Variants in RB1CC1 observed in about 807,000 individuals in gnomAD.
RB1CC1 encodes the protein RB1-inducible coiled-coil protein 1.
In RB1CC1, 46 loss-of-function variants were observed where a neutral mutation model predicts 177.5. The observed-to-expected ratio is 0.26, with a 90% confidence interval of 0.20 to 0.33. The LOEUF is 0.33. Ranked by LOEUF, RB1CC1 falls within the 10% of genes least tolerant of loss-of-function variation. The pLI is 1.00. For synonymous variants in RB1CC1, 666 were observed against 613.6 expected (o/e 1.09, Z -1.26); for missense variants, 1,703 against 1,816.3 (o/e 0.94, Z 1.13).
chr8:52,636,114 T>C (rs200716510), intron 18 of RB1CC1, 45 bp from the exon 19 acceptor site: 29 of 1,564,620 alleles, frequency 1.9e-5, no homozygotes, highest in Non-Finnish European at 2.4e-5. Context: ...TTCTAAACTT[T>C]ACATTCTTCA....
intron 16 of RB1CC1, among the ~76,000 whole-genome samples, chr8:52,643,736 T>C (rs4873670): frequency 0.72 from 106,146 of 147,404 alleles, 38,784 homozygotes; most frequent in East Asian, 0.83. Flanking sequence ...TACAAGATTT[T>C]TGAGCTTCTT....
intron 7 of RB1CC1, among the ~76,000 whole-genome samples, chr8:52,669,879 T>C (rs566451334): frequency 1.3e-5 from 2 of 152,054 alleles, no homozygotes; most frequent in South Asian, 4.1e-4. Context: ...AATTTAATAA[T>C]TCATTGAAAG....
chr8:52,709,379 G>A (rs560502871), intron 1 of RB1CC1, among the ~76,000 whole-genome samples: 54 of 152,056 alleles, frequency 3.6e-4, no homozygotes, highest in Non-Finnish European at 6.6e-4. Flanking sequence ...CAATTTTCTC[G>A]AGAGATTATC....
rs145031829 is a variant in RB1CC1 at position 52,623,006 on chromosome 8, C to G, written c.*776G>C. The G allele has an allele frequency of 1.3e-5, 2 of 152,156 alleles. No individual in the cohort carries two copies. Among genetic ancestry groups the G allele is most frequent in the Admixed American group, 6.6e-5 (1 of 15,220 alleles). 9.4% of individuals were successfully genotyped at this position (152,156 alleles called of 1,614,324 possible). On this transcript the variant is annotated 3_prime_UTR_variant, in exon 24 of 24. Coordinates refer to ENST00000025008, the MANE Select transcript of RB1CC1 (RefSeq NM_014781.5). ...AATGAATATCTTTTGTTCTGAAACTCAACCATGAATTACGATTTCATCAAT... is the reference window on the plus strand; with the variant it reads ...AATGAATATCTTTTGTTCTGAAACTGAACCATGAATTACGATTTCATCAAT...
At chr8:52,698,984 C>A (rs912889608) in intron 1 of RB1CC1, among the ~76,000 whole-genome samples, 1 of 151,912 alleles carries the variant, frequency 6.6e-6, no homozygotes, top group African/African-American at 2.4e-5. Flanking sequence ...AACCAGCGCA[C>A]CCGGCCTTCA....
intron 1 of RB1CC1, among the ~76,000 whole-genome samples, chr8:52,708,685 G>A (rs111461228): frequency 6.6e-6 from 1 of 152,056 alleles, no homozygotes; most frequent in South Asian, 2.1e-4. Flanking sequence ...TATCTGGGGG[G>A]AAAAACCTAT....
At chr8:52,676,260 G>A (rs1347875827) in intron 6 of RB1CC1, 109 bp downstream of exon 6, 1 of 947,110 alleles carries the variant, frequency 1.1e-6, no homozygotes, top group African/African-American at 1.7e-5. Flanking sequence ...ATAAACCTCA[G>A]TTACAATAAA....
chr8:52,671,354 A>C (rs1852580066), intron 7 of RB1CC1, among the ~76,000 whole-genome samples: 1 of 152,256 alleles, frequency 6.6e-6, no homozygotes, highest in Non-Finnish European at 1.5e-5. Context: ...TTTTACGGAA[A>C]AAAAATCTTG....
chr8:52,699,820 AAAAAAAAAAAATATATAT>A (rs1855846774), intron 1 of RB1CC1, among the ~76,000 whole-genome samples: 3 of 95,922 alleles, frequency 3.1e-5, no homozygotes, highest in Non-Finnish European at 6.5e-5. Flanking sequence ...AAAAAAAAAA[AAAAAAAAAAAATATATAT>A]ATATATATAT....
chr8:52,653,724 A>T lies in RB1CC1; in HGVS notation c.3821+2284T>A, dbSNP rs10808872. Among the ~76,000 whole-genome samples the T allele has an allele frequency of 1.3e-4, 20 of 152,320 alleles. No homozygotes were observed. In the East Asian group the frequency reaches 3.7e-3, roughly 28 times the overall value. Reference sequence around the variant, plus strand: ...GCAGCAGAAGTGGTCTGAATTTCAGATTCTGGAATATTTGCATTATATTTA... The same window carrying T: ...GCAGCAGAAGTGGTCTGAATTTCAGTTTCTGGAATATTTGCATTATATTTA... On this transcript the variant is annotated intron_variant, in intron 15 of 23. Transcript: ENST00000025008.
intron 23 of RB1CC1, among the ~76,000 whole-genome samples, chr8:52,624,494 T>A (rs1848245750): frequency 6.6e-6 from 1 of 151,962 alleles, no homozygotes; most frequent in African/African-American, 2.4e-5. Context: ...TTCGTAGTAG[T>A]TTTCCATTAT....
chr8:52,647,083 T>C (rs1295192442), intron 15 of RB1CC1, among the ~76,000 whole-genome samples: 1 of 152,208 alleles, frequency 6.6e-6, no homozygotes, highest in African/African-American at 2.4e-5. Flanking sequence ...GTTTCTTATG[T>C]AATTTCCTCA....
rs1590987273 is a variant in RB1CC1, at chr8:52,656,300, T to C, written c.3529A>G (p.Ile1177Val). ...EIEKNLKEQIIELQSKLDSEL... is the reference protein window; with the variant it reads ...EIEKNLKEQIVELQSKLDSEL... ...GAATCCAATTTACTCTGCAGTTCAA[T>C]TATTTGTTCTTTTAGGTTTTTTTCT... Residue 1177 changes from isoleucine to valine, a missense_variant, in exon 15 of 24, where the codon ATT (isoleucine) becomes GTT (valine). Physicochemically the swap from Ile to Val is conservative, Grantham distance 29. Transcript: ENST00000025008. 2 of 1,613,244 alleles carry C rather than the reference T, an allele frequency of 1.2e-6. No individual in the cohort carries two copies. Among genetic ancestry groups the C allele is most frequent in the East Asian group, 4.5e-5 (2 of 44,814 alleles).
intron 7 of RB1CC1, among the ~76,000 whole-genome samples, chr8:52,672,607 A>G (rs1591042308): frequency 1.3e-5 from 2 of 152,182 alleles, no homozygotes; most frequent in Middle Eastern, 3.4e-3. Flanking sequence ...TTAGCTGGAC[A>G]TGGTGGTGTG....
At chr8:52,677,392 T>C (rs1210318397) in intron 5 of RB1CC1, among the ~76,000 whole-genome samples, 1 of 152,160 alleles carries the variant, frequency 6.6e-6, no homozygotes, top group Non-Finnish European at 1.5e-5. Flanking sequence ...GAAGCACTAT[T>C]GGTTAAGAAC....
At position 52,657,243 on chromosome 8, in the gene RB1CC1, T is replaced by G; in HGVS notation, c.2586A>C (p.Lys862Asn). 1.9e-6 allele frequency: 3 copies of G among 1,594,902 alleles called. No individual in the cohort carries two copies. Among genetic ancestry groups the G allele is most frequent in the Non-Finnish European group, 2.6e-6 (3 of 1,165,220 alleles). ...KCSLEITLKE[K>N]HQKELLSLKN... ...TTAAAGACAGTAGTTCTTTTTGATGTTTTTCTTTTAGTGTTATTTCCAGAG... is the reference window on the plus strand; with the variant it reads ...TTAAAGACAGTAGTTCTTTTTGATGGTTTTCTTTTAGTGTTATTTCCAGAG... The change falls in exon 15 of 24, where the codon AAA becomes AAC. Residue 862 changes from lysine (K) to asparagine (N), a missense_variant. Physicochemically the swap from Lys to Asn is moderately conservative, Grantham distance 94. This residue lies in a region of RB1CC1 where 1,169 missense variants were observed against 1,184.7 expected (regional missense o/e 0.99). Coordinates refer to ENST00000025008, the MANE Select transcript of RB1CC1 (RefSeq NM_014781.5).
At chr8:52,688,635 T>C (rs1435847573) in intron 1 of RB1CC1, among the ~76,000 whole-genome samples, 3 of 152,234 alleles carry the variant, frequency 2.0e-5, no homozygotes, top group Non-Finnish European at 4.4e-5. Context: ...TTTTGTCCTG[T>C]TCCCTCAGAA....
intron 18 of RB1CC1, among the ~76,000 whole-genome samples, chr8:52,638,753 T>G (rs1205846165): frequency 6.6e-6 from 1 of 152,152 alleles, no homozygotes; most frequent in Admixed American, 6.5e-5. Context: ...TCTATCATTT[T>G]GTTTATATAT....
At chr8:52,695,865 A>G (rs544663828) in intron 1 of RB1CC1, among the ~76,000 whole-genome samples, 1 of 152,278 alleles carries the variant, frequency 6.6e-6, no homozygotes, top group Admixed American at 6.5e-5. Context: ...GACCTGTTCC[A>G]GTGAATTCTC....
Sources: gnomAD v4.1 joint callset for allele counts (sites outside exome capture counted in the v4.1 genomes callset) on GRCh38, gnomAD v4.1.1 for gene constraint, gnomAD v4.1.1 regional missense constraint, MANE v1.5 for transcripts, NCBI Gene and HGNC (gene_info 2026-07-23, HGNC 2026-07-21) for gene names.